Variants in DLC1 observed in about 807,000 individuals in gnomAD.
The protein encoded by DLC1 is rho GTPase-activating protein 7.
In DLC1, 54 loss-of-function variants were observed where a neutral mutation model predicts 140.3. That is an observed-to-expected ratio of 0.38 (90% CI 0.31 to 0.48). DLC1 has a LOEUF of 0.48. Among genes scored for constraint, DLC1 ranks in the 20% least tolerant of loss-of-function variants. The probability of loss-of-function intolerance (pLI) is 0.96; values close to 1 mark genes in which losing one functional copy is unlikely to be tolerated. For missense variants in DLC1, 2,536 were observed against 1,907.0 expected (o/e 1.33, Z -6.14); for synonymous variants, 986 against 728.1 (o/e 1.35, Z -5.70).
chr8:13,433,758 A>T (rs371177055), intron 2 of DLC1, among the ~76,000 whole-genome samples: 1 of 152,336 alleles, frequency 6.6e-6, no homozygotes, highest in African/African-American at 2.4e-5. Context: ...TACTGAAAAA[A>T]ATGGCAACAA....
intron 2 of DLC1, 83 bp from the exon 3 acceptor site, chr8:13,401,702 A>G: frequency 1.3e-6 from 2 of 1,517,194 alleles, no homozygotes; most frequent in South Asian, 1.3e-5. Flanking sequence ...TCAATGTGAC[A>G]AAAAGTACAC....
intron 5 of DLC1, among the ~76,000 whole-genome samples, chr8:13,116,743 T>A (rs561359048): frequency 6.6e-6 from 1 of 152,192 alleles, no homozygotes; most frequent in East Asian, 1.9e-4. Flanking sequence ...CCAAATTCAT[T>A]AAAGCAAGTG....
rs760883329 is a variant in DLC1, at chr8:13,100,346, G to A, written c.1991C>T (p.Thr664Met). Residue 664 changes from threonine to methionine, a missense_variant, in exon 9 of 18, where the codon ACG becomes ATG. Coordinates refer to ENST00000276297, the MANE Select transcript of DLC1 (RefSeq NM_182643.3). ...KGHEKTAKSK[T>M]RSLLKRMESL... ...CTCCATCCGTTTCAGCAGACTGCGC[G>A]TCTTGGACTTGGCAGTTTTTTCGTG... is the stretch of plus-strand genomic sequence containing the variant. 13 of 1,614,182 alleles carry A rather than the reference G, an allele frequency of 8.1e-6. No homozygotes were observed. The highest frequency in any genetic ancestry group is 1.1e-5 in the South Asian group (1 of 91,086).
At chr8:13,158,738 C>CG (rs1824443785) in intron 5 of DLC1, among the ~76,000 whole-genome samples, 1 of 90,206 alleles carries the variant, frequency 1.1e-5, no homozygotes, top group Non-Finnish European at 2.3e-5. Context: ...CACCCTCCCC[C>CG]CCCCCCCCCG....
intron 1 of DLC1, among the ~76,000 whole-genome samples, chr8:13,507,929 T>C (rs1268073912): frequency 6.6e-6 from 1 of 152,202 alleles, no homozygotes; most frequent in Non-Finnish European, 1.5e-5. Flanking sequence ...CTGAAAAATA[T>C]TATTTTATTG....
chr8:13,334,355 A>G (rs1047319329), intron 4 of DLC1, among the ~76,000 whole-genome samples: 14 of 152,166 alleles, frequency 9.2e-5, no homozygotes, highest in African/African-American at 3.1e-4. Flanking sequence ...GTCAGGGAGC[A>G]GGGACAGGCC....
chr8:13,309,419 T>C (rs1048228943), intron 4 of DLC1, among the ~76,000 whole-genome samples: 2 of 152,188 alleles, frequency 1.3e-5, no homozygotes, highest in Admixed American at 6.5e-5. Context: ...CTTTAATAGT[T>C]CTCCACATGT....
chr8:13,491,193 A>G (rs898813682), intron 2 of DLC1, among the ~76,000 whole-genome samples: 4 of 151,440 alleles, frequency 2.6e-5, no homozygotes, highest in Admixed American at 1.3e-4. Flanking sequence ...TGTCATTTTC[A>G]CAATGAAAAT....
chr8:13,275,687 G>A (rs948048072), intron 5 of DLC1, among the ~76,000 whole-genome samples: 2 of 152,174 alleles, frequency 1.3e-5, no homozygotes, highest in Non-Finnish European at 2.9e-5. Context: ...CACTGTATTT[G>A]CTTTATTATA....
At chr8:13,307,167 C>A (rs565824844) in intron 4 of DLC1, among the ~76,000 whole-genome samples, 198 of 149,276 alleles carry the variant, frequency 1.3e-3, no homozygotes, top group Non-Finnish European at 2.5e-3. Flanking sequence ...TATTTTGACT[C>A]AATCTCAATC....
intron 5 of DLC1, among the ~76,000 whole-genome samples, chr8:13,187,623 C>G (rs753198068): frequency 4.6e-5 from 7 of 152,148 alleles, no homozygotes; most frequent in Admixed American, 1.3e-4. Context: ...AGATATTAGA[C>G]TATATATTAC....
At chr8:13,257,538 A>G (rs1426255565) in intron 5 of DLC1, among the ~76,000 whole-genome samples, 1 of 151,886 alleles carries the variant, frequency 6.6e-6, no homozygotes, top group Non-Finnish European at 1.5e-5. Context: ...AATATAATCT[A>G]TTTTATACGT....
intron 1 of DLC1, among the ~76,000 whole-genome samples, chr8:13,581,374 C>T (rs1294703229): frequency 6.6e-6 from 1 of 152,148 alleles, no homozygotes; most frequent in African/African-American, 2.4e-5. Context: ...TCTTGCTGTT[C>T]CCCCAGTCCT....
chr8:13,372,063 C>T (rs1030726921), intron 4 of DLC1, among the ~76,000 whole-genome samples: 9 of 152,056 alleles, frequency 5.9e-5, no homozygotes, highest in Non-Finnish European at 1.0e-4. Context: ...GTGCATGTGA[C>T]TTGCAAATTG....
chr8:13,599,967 C>T (rs1434453391), intron 1 of DLC1, among the ~76,000 whole-genome samples: 1 of 151,926 alleles, frequency 6.6e-6, no homozygotes, highest in East Asian at 1.9e-4. Context: ...TTAGCATCTT[C>T]ACCACCTTCA....
intron 1 of DLC1, among the ~76,000 whole-genome samples, chr8:13,574,040 A>G (rs761320213): frequency 3.9e-5 from 6 of 152,156 alleles, no homozygotes; most frequent in Non-Finnish European, 8.8e-5. Context: ...AAACAATGAA[A>G]CTGAATGTAT....
At chr8:13,289,951 CACTT>C (rs1831693982) in intron 5 of DLC1, among the ~76,000 whole-genome samples, 1 of 152,162 alleles carries the variant, frequency 6.6e-6, no homozygotes, top group Non-Finnish European at 1.5e-5. Flanking sequence ...AACCATATGA[CACTT>C]AGGGTATCTT....
At chr8:13,105,830 G>A (rs555826474) in intron 7 of DLC1, among the ~76,000 whole-genome samples, 14 of 152,104 alleles carry the variant, frequency 9.2e-5, no homozygotes, top group South Asian at 2.1e-4. Flanking sequence ...CGCTCATCTC[G>A]GCCTCCCAAA....
intron 4 of DLC1, among the ~76,000 whole-genome samples, chr8:13,325,066 C>G (rs191120933): frequency 2.6e-3 from 403 of 152,266 alleles, no homozygotes; most frequent in Non-Finnish European, 4.9e-3. Context: ...ACAGATATAA[C>G]AAAGGTACTG....
Sources: allele counts gnomAD v4.1 joint callset (sites outside exome capture counted in the v4.1 genomes callset), GRCh38; gene constraint gnomAD v4.1.1; transcripts MANE v1.5; gene names NCBI Gene and HGNC (gene_info 2026-07-23, HGNC 2026-07-21).